The following FGF12 variants were observed in gnomAD, a reference collection of about 807,000 sequenced individuals.
FGF12 encodes the protein fibroblast growth factor 12B.
A neutral mutation model predicts 23.6 loss-of-function variants in FGF12; 14 were observed. That is an observed-to-expected ratio of 0.59 (90% CI 0.39 to 0.93). The LOEUF is 0.93. Among genes scored for constraint, FGF12 ranks in the 40% least tolerant of loss-of-function variants. FGF12 has a pLI of 0.00. For synonymous variants in FGF12, 62 were observed against 77.3 expected, an observed-to-expected ratio of 0.80 and a Z score of 1.04; for missense variants, 175 against 217.8, an observed-to-expected ratio of 0.80 and a Z score of 1.24.
chr3:192,234,153 A>G (rs1485593725), intron 4 of FGF12, among the ~76,000 whole-genome samples: 1 of 152,108 alleles, frequency 6.6e-6, no homozygotes, highest in African/African-American at 2.4e-5. Context: ...GGGAAGTATG[A>G]TCATTTTAGC....
chr3:192,512,837 TA>T (rs1724524995), intron 2 of FGF12, among the ~76,000 whole-genome samples: 1 of 76,062 alleles, frequency 1.3e-5, no homozygotes, highest in East Asian at 3.6e-4. Flanking sequence ...CTCAAATAAA[TA>T]TATATATATA....
At chr3:192,690,639 A>G in intron 2 of FGF12, among the ~76,000 whole-genome samples, 1 of 151,894 alleles carries the variant, frequency 6.6e-6, no homozygotes, top group East Asian at 1.9e-4. Context: ...GCAAGAGAGG[A>G]AGGAAGGATC....
intron 2 of FGF12, among the ~76,000 whole-genome samples, chr3:192,385,565 C>A (rs1036961775): frequency 1.3e-5 from 2 of 152,258 alleles, no homozygotes; most frequent in East Asian, 3.9e-4. Flanking sequence ...TTCACCCCCC[C>A]CAGCTCATAG....
intron 2 of FGF12, among the ~76,000 whole-genome samples, chr3:192,679,026 T>G (rs1368454855): frequency 6.6e-6 from 1 of 152,138 alleles, no homozygotes; most frequent in Non-Finnish European, 1.5e-5. Context: ...ACAGTGCAGA[T>G]TTGGGGGCCA....
chr3:192,629,928 T>C (rs1389475430), intron 2 of FGF12, among the ~76,000 whole-genome samples: 2 of 152,150 alleles, frequency 1.3e-5, no homozygotes, highest in Non-Finnish European at 2.9e-5. Context: ...AGCAACTTAG[T>C]GCCAGCCTGA....
chr3:192,685,312 A>C (rs1717692613), intron 2 of FGF12, among the ~76,000 whole-genome samples: 1 of 152,186 alleles, frequency 6.6e-6, no homozygotes, highest in African/African-American at 2.4e-5. Context: ...CGGCCTCCCA[A>C]AGTGCTGGGA....
chr3:192,517,989 G>A (rs2108844293), intron 2 of FGF12, among the ~76,000 whole-genome samples: 1 of 152,118 alleles, frequency 6.6e-6, no homozygotes, highest in Non-Finnish European at 1.5e-5. Flanking sequence ...AAAATAGCCA[G>A]GAGCACATGA....
At chr3:192,355,049 A>G (rs997045464) in intron 3 of FGF12, among the ~76,000 whole-genome samples, 14 of 152,216 alleles carry the variant, frequency 9.2e-5, no homozygotes, top group African/African-American at 3.4e-4. Context: ...TGACTAGATG[A>G]TAAGGAAACA....
intron 2 of FGF12, among the ~76,000 whole-genome samples, chr3:192,584,142 A>G (rs1713274166): frequency 6.6e-6 from 1 of 152,168 alleles, no homozygotes; most frequent in African/African-American, 2.4e-5. Flanking sequence ...AGAAGGAGCA[A>G]AAGAGATGAA....
intron 4 of FGF12, among the ~76,000 whole-genome samples, chr3:192,239,072 T>A (rs1719458231): frequency 6.6e-6 from 1 of 152,188 alleles, no homozygotes; most frequent in African/African-American, 2.4e-5. Context: ...CTTTTCCTAG[T>A]CTTCATACTT....
chr3:192,289,769 T>C (rs1714657616), intron 4 of FGF12, among the ~76,000 whole-genome samples: 1 of 152,188 alleles, frequency 6.6e-6, no homozygotes, highest in Admixed American at 6.6e-5. Flanking sequence ...TTGGTACATA[T>C]TAGATGTCCA....
intron 4 of FGF12, among the ~76,000 whole-genome samples, chr3:192,198,597 A>G (rs1311937374): frequency 6.6e-6 from 1 of 152,246 alleles, no homozygotes; most frequent in Non-Finnish European, 1.5e-5. Flanking sequence ...AGTCTAAAAT[A>G]GACTGCTGAG....
At chr3:192,199,325 C>G (rs1717239442) in intron 4 of FGF12, among the ~76,000 whole-genome samples, 1 of 152,214 alleles carries the variant, frequency 6.6e-6, no homozygotes, top group African/African-American at 2.4e-5. Context: ...CAGTCTTTTT[C>G]TATTCAACCT....
At chr3:192,311,224 A>G (rs539983462) in intron 4 of FGF12, among the ~76,000 whole-genome samples, 13 of 152,222 alleles carry the variant, frequency 8.5e-5, no homozygotes, top group African/African-American at 3.1e-4. Flanking sequence ...AGAGTTGTAA[A>G]ACCATCACCC....
At chr3:192,392,035 C>A (rs1257074607) in intron 2 of FGF12, among the ~76,000 whole-genome samples, 1 of 152,162 alleles carries the variant, frequency 6.6e-6, no homozygotes, top group East Asian at 1.9e-4. Context: ...ATTCCAAAGC[C>A]ACTCCCGACT....
chr3:192,596,925 G>T (rs1713881990), intron 2 of FGF12, among the ~76,000 whole-genome samples: 1 of 152,174 alleles, frequency 6.6e-6, no homozygotes, highest in Non-Finnish European at 1.5e-5. Context: ...GTAGAAAGTG[G>T]ATAAATGCTG....
Position 192,347,287 on chromosome 3 carries a change from C to G in FGF12, c.125-11823G>C, listed in dbSNP as rs141669959. ...CAAACCTTGCTGCTCAAAGTGTGAA[C>G]AGCATCACCATCATCTGGAGCTTGT... On this transcript the variant is annotated intron_variant, in intron 3 of 5. Transcript: ENST00000445105. 4.2e-3 allele frequency among the ~76,000 whole-genome samples: 639 copies of G among 152,284 alleles called. 3 individuals carry two copies. The highest frequency in any genetic ancestry group is 0.015 in the African/African-American group (608 of 41,542).
At position 192,392,591 on chromosome 3, in the gene FGF12, CGAGAGAGAGAGAGA is replaced by C. The variant is rs67784749; in HGVS notation, c.14-32067_14-32054del. On this transcript the variant is annotated intron_variant, in intron 2 of 5. Coordinates refer to ENST00000445105, the MANE Select transcript of FGF12 (RefSeq NM_004113.6). ...AGCCTGGGCAACAAAAGTGAAACTCCGAGAGAGAGAGAGAGAGAGAGAGAGAGAGAGAGAGAGAG... is the reference window on the plus strand; with the variant it reads ...AGCCTGGGCAACAAAAGTGAAACTCCGAGAGAGAGAGAGAGAGAGAGAGAG... Among the ~76,000 whole-genome samples, 232 of 41,868 alleles carry C rather than the reference CGAGAGAGAGAGAGA, an allele frequency of 5.5e-3. 1 individual carries two copies. The highest frequency in any genetic ancestry group is 0.026 in the African/African-American group (222 of 8,452). The allele number at this position is 41,868 out of a possible 152,430, so 27.5% of individuals were successfully genotyped here.
At chr3:192,280,649 T>C (rs1046265919) in intron 4 of FGF12, among the ~76,000 whole-genome samples, 1 of 152,086 alleles carries the variant, frequency 6.6e-6, no homozygotes, top group African/African-American at 2.4e-5. Flanking sequence ...AACCCATATC[T>C]AGGAACTATC....
Sources: gnomAD v4.1 joint callset for allele counts (sites outside exome capture counted in the v4.1 genomes callset) on GRCh38, gnomAD v4.1.1 for gene constraint, MANE v1.5 for transcripts, NCBI Gene and HGNC (gene_info 2026-07-23, HGNC 2026-07-21) for gene names.